The following NINL variants were observed in gnomAD, a reference collection of about 807,000 sequenced individuals.
NINL encodes ninein-like protein.
NINL carries 153 observed loss-of-function variants against 160.3 expected under a neutral mutation model. That is an observed-to-expected ratio of 0.95 (90% CI 0.84 to 1.09). The LOEUF (loss-of-function observed/expected upper bound fraction) is 1.09. Ranked by LOEUF, NINL falls within the 50% of genes least tolerant of loss-of-function variation. NINL has a pLI of 0.00. For synonymous variants in NINL, 800 were observed against 734.8 expected (o/e 1.09, Z -1.43); for missense variants, 1,829 against 1,764.0 (o/e 1.04, Z -0.66).
chr20:25,573,956 T>G (rs942503632), intron 1 of NINL, among the ~76,000 whole-genome samples: 2 of 152,148 alleles, frequency 1.3e-5, no homozygotes, highest in Admixed American at 1.3e-4. Context: ...ATGAATTCCC[T>G]GCAAGCATCC....
intron 3 of NINL, among the ~76,000 whole-genome samples, chr20:25,515,575 G>T (rs2064145653): frequency 6.6e-6 from 1 of 152,060 alleles, no homozygotes; most frequent in African/African-American, 2.4e-5. Context: ...ATTTTGCGGG[G>T]GGTGTGCAGG....
At position 25,569,571 on chromosome 20, in the gene NINL, G is replaced by A. The variant is rs74867363; in HGVS notation, c.-12+15884C>T. Among the ~76,000 whole-genome samples the A allele has an allele frequency of 2.6e-4, 39 of 152,312 alleles. No homozygotes were observed. The East Asian group carries it at 6.2e-3, about 24-fold the overall frequency. ...CTCAGAGCCTGGAGGGCAAGACAGCGATGAATGGAAGTGGGCAGGTCACCT... is the reference window on the plus strand; with the variant it reads ...CTCAGAGCCTGGAGGGCAAGACAGCAATGAATGGAAGTGGGCAGGTCACCT... On this transcript the variant is annotated intron_variant, in intron 1 of 23. Coordinates refer to ENST00000278886, the MANE Select transcript of NINL (RefSeq NM_025176.6).
chr20:25,511,133 A>G (rs2064062786), intron 4 of NINL, among the ~76,000 whole-genome samples: 1 of 152,222 alleles, frequency 6.6e-6, no homozygotes, highest in South Asian at 2.1e-4. Context: ...CCAGCCCTGC[A>G]GCCACAGCCA....
intron 19 of NINL, among the ~76,000 whole-genome samples, chr20:25,464,584 C>T (rs1452320560): frequency 1.3e-5 from 2 of 152,206 alleles, no homozygotes; most frequent in African/African-American, 4.8e-5. Flanking sequence ...CCCCTACACA[C>T]ACAGGCGCAC....
chr20:25,480,039 G>A, intron 15 of NINL, 122 bp downstream of exon 15: 1 of 715,152 alleles, frequency 1.4e-6, no homozygotes, highest in Non-Finnish European at 2.5e-6. Flanking sequence ...CCCCAAAGGG[G>A]CTCACAATGA....
At chr20:25,519,621 A>G (rs1162533175) in intron 2 of NINL, among the ~76,000 whole-genome samples, 1 of 152,238 alleles carries the variant, frequency 6.6e-6, no homozygotes, top group Non-Finnish European at 1.5e-5. Context: ...ACAAATTGAT[A>G]CAGGCATAGT....
chr20:25,455,733 C>T lies in NINL; in HGVS notation c.3897G>A (p.Glu1299=). ...GCATTTCCATATTCTTCAGAATCATCTCCGCCTCTTCCACCCGCTCTTCTG... is the reference window on the plus strand; with the variant it reads ...GCATTTCCATATTCTTCAGAATCATTTCCGCCTCTTCCACCCGCTCTTCTG... ...KATEERVEEA[E]MILKNMEMLL... is the part of the protein sequence containing the mutation. The change falls in exon 23 of 24, where the codon GAG becomes GAA. Residue 1299 remains glutamate (E), a synonymous_variant. Transcript: ENST00000278886. 6.2e-7 allele frequency: 1 copy of T among 1,614,228 alleles called. No homozygotes were observed. The highest frequency in any genetic ancestry group is 8.5e-7 in the Non-Finnish European group (1 of 1,180,034).
intron 1 of NINL, among the ~76,000 whole-genome samples, chr20:25,532,212 C>T (rs919764725): frequency 2.0e-5 from 3 of 152,240 alleles, no homozygotes; most frequent in Admixed American, 6.5e-5. Flanking sequence ...CTACCAGTCC[C>T]TTCCATGCGT....
At chr20:25,552,898 G>A (rs937426590) in intron 1 of NINL, among the ~76,000 whole-genome samples, 5 of 152,194 alleles carry the variant, frequency 3.3e-5, no homozygotes, top group Non-Finnish European at 5.9e-5. Flanking sequence ...AGGCCTTCCT[G>A]GAGAATCAGG....
chr20:25,509,725 C>T (rs1386855717), intron 5 of NINL: 4 of 456,656 alleles, frequency 8.8e-6, no homozygotes, highest in African/African-American at 2.0e-5. Flanking sequence ...TCAGCAGTAA[C>T]TTCCACAGAA....
chr20:25,509,777 T>G, intron 5 of NINL: 4 of 451,760 alleles, frequency 8.9e-6, no homozygotes, highest in South Asian at 6.3e-5. Flanking sequence ...TGGTCTTTTC[T>G]ATCCAAAATA....
intron 10 of NINL, among the ~76,000 whole-genome samples, chr20:25,494,274 G>A (rs1035522162): frequency 3.4e-5 from 5 of 145,802 alleles, no homozygotes; most frequent in Non-Finnish European, 6.0e-5. Flanking sequence ...CTCTAGTCCC[G>A]GAACACTCAC....
chr20:25,470,184 C>T (rs2063061946), intron 17 of NINL, 89 bp from the exon 18 acceptor site: 1 of 956,600 alleles, frequency 1.0e-6, no homozygotes, highest in Non-Finnish European at 1.7e-6. Context: ...GTCCTGAGAA[C>T]TGTGCGTCCC....
At chr20:25,531,268 G>C (rs1262858527) in intron 1 of NINL, among the ~76,000 whole-genome samples, 1 of 152,096 alleles carries the variant, frequency 6.6e-6, no homozygotes, top group Non-Finnish European at 1.5e-5. Context: ...ACGGTGCCCA[G>C]ATTTCATATT....
At chr20:25,458,291 A>T in intron 22 of NINL, 92 bp downstream of exon 22, 1 of 1,500,344 alleles carries the variant, frequency 6.7e-7, no homozygotes, top group Non-Finnish European at 9.2e-7. Flanking sequence ...ATGTATTCAC[A>T]GTTGTGCAGC....
At chr20:25,584,846 G>C (rs562118075) in intron 1 of NINL, among the ~76,000 whole-genome samples, 3 of 152,330 alleles carry the variant, frequency 2.0e-5, no homozygotes, top group Non-Finnish European at 2.9e-5. Flanking sequence ...CTCCCACATG[G>C]TGTGTGTGAC....
intron 10 of NINL, among the ~76,000 whole-genome samples, chr20:25,493,506 C>T (rs920564890): frequency 3.3e-5 from 5 of 152,160 alleles, no homozygotes; most frequent in African/African-American, 4.8e-5. Context: ...GTGGGTCTCC[C>T]TGACATACTT....
At chr20:25,497,849 C>T (rs73597810) in intron 9 of NINL, among the ~76,000 whole-genome samples, 15,101 of 152,208 alleles carry the variant, frequency 0.099, 1,271 homozygotes, top group African/African-American at 0.23. Context: ...GAAAAGGGCT[C>T]AGTGGGGGCC....
At chr20:25,518,622 G>A (rs1176537693) in intron 2 of NINL, among the ~76,000 whole-genome samples, 1 of 152,006 alleles carries the variant, frequency 6.6e-6, no homozygotes, top group African/African-American at 2.4e-5. Flanking sequence ...TGTCCAATCT[G>A]ACAAACTTTA....
Sources: gnomAD v4.1 joint callset for allele counts (sites outside exome capture counted in the v4.1 genomes callset) on GRCh38, gnomAD v4.1.1 for gene constraint, MANE v1.5 for transcripts, NCBI Gene and HGNC (gene_info 2026-07-23, HGNC 2026-07-21) for gene names.